ZAR1: variants seen among roughly 807,000 people sequenced by gnomAD.
ZAR1 encodes the protein zygote arrest protein 1.
ZAR1 carries 37 observed loss-of-function variants against 38.3 expected under a neutral mutation model. The ratio of observed to expected loss-of-function variants is 0.97; its 90% confidence interval spans 0.74 to 1.27. The LOEUF is 1.27. Ranked by LOEUF, ZAR1 falls within the 50% of genes most tolerant of loss-of-function variation. The pLI is 0.00. For synonymous variants in ZAR1, 336 were observed against 292.0 expected (o/e 1.15, Z -1.53); for missense variants, 651 against 632.4 (o/e 1.03, Z -0.32).
At chr4:48,495,484 G>A (rs547505336), downstream of ZAR1, among the ~76,000 whole-genome samples, 74 of 152,302 alleles carry the variant, frequency 4.9e-4, 1 homozygote, top group Non-Finnish European at 9.0e-4. Context: ...GAGATGGTGC[G>A]TGTAAAATGC....
At chr4:48,492,212 C>T (rs1718462486) in intron 1 of ZAR1, among the ~76,000 whole-genome samples, 1 of 152,138 alleles carries the variant, frequency 6.6e-6, no homozygotes, top group Non-Finnish European at 1.5e-5. Flanking sequence ...ACTCTAAAAA[C>T]GTGTGCATAA....
At chr4:48,497,156 G>A (rs1448360608), downstream of ZAR1, among the ~76,000 whole-genome samples, 1 of 152,166 alleles carries the variant, frequency 6.6e-6, no homozygotes, top group African/African-American at 2.4e-5. Context: ...ATTTAAAAAT[G>A]ATAAATTTAG....
At chr4:48,495,960 T>C (rs2148675940), downstream of ZAR1, among the ~76,000 whole-genome samples, 1 of 152,144 alleles carries the variant, frequency 6.6e-6, no homozygotes, top group Middle Eastern at 3.4e-3. Context: ...AGGAGGATGG[T>C]CTCTACTGGA....
chr4:48,495,125 G>A (rs369835474), downstream of ZAR1, among the ~76,000 whole-genome samples: 16 of 152,098 alleles, frequency 1.1e-4, no homozygotes, highest in African/African-American at 3.6e-4. Flanking sequence ...AGTGCTAGTC[G>A]GGATGCCAGA....
chr4:48,492,769 T>G lies in ZAR1; in HGVS notation c.967T>G (p.Leu323Val). ...LGKERLRFQF[L>V]EQKYGYYHCK... ...ATTGACATATCCTGTTGTTCAGTTC[T>G]TAGAGCAGAAATATGGCTATTACCA... The change falls in exon 2 of 4, where the codon TTA becomes GTA. Residue 323 changes from leucine to valine, a missense_variant. Around this residue, in one of 2 missense-constraint regions of ZAR1, gnomAD observed 129 missense variants for 172.5 expected, o/e 0.75. Transcript: ENST00000327939. 6.2e-7 allele frequency: 1 copy of G among 1,614,058 alleles called. No individual in the cohort carries two copies. The highest frequency in any genetic ancestry group is 8.5e-7 in the Non-Finnish European group (1 of 1,179,910).
chr4:48,497,626 A>T (rs924205844), downstream of ZAR1: 1 of 152,594 alleles, frequency 6.6e-6, no homozygotes, highest in Non-Finnish European at 1.5e-5. Flanking sequence ...AGAAAAACAG[A>T]GGACAGTAAG....
intron 3 of ZAR1, among the ~76,000 whole-genome samples, chr4:48,493,484 T>C (rs991742758): frequency 6.6e-6 from 1 of 152,238 alleles, no homozygotes; most frequent in Non-Finnish European, 1.5e-5. Context: ...GAGTTGACTA[T>C]AATGGTAAGC....
intron 3 of ZAR1, among the ~76,000 whole-genome samples, chr4:48,493,609 C>CT (rs1396598742): frequency 6.6e-6 from 1 of 152,228 alleles, no homozygotes; most frequent in African/African-American, 2.4e-5. Context: ...TGTCACACAG[C>CT]TAATGGAGTC....
chr4:48,494,789 T>C (rs1560483760), downstream of ZAR1, among the ~76,000 whole-genome samples: 1 of 151,806 alleles, frequency 6.6e-6, no homozygotes, highest in Non-Finnish European at 1.5e-5. Flanking sequence ...GAGGTTAACG[T>C]TGAGTAAGAA....
rs1718530064 is a variant in ZAR1, at chr4:48,494,375, G to GGT, written c.*132_*133dup. The GGT allele has an allele frequency of 8.4e-7, 1 of 1,192,902 alleles. No homozygotes were observed. Among genetic ancestry groups the GGT allele is most frequent in the African/African-American group, 1.5e-5 (1 of 65,484 alleles). 73.9% of individuals were successfully genotyped at this position (1,192,902 alleles called of 1,614,324 possible). A position where few individuals can be genotyped will look rare whatever the true frequency, so the allele number is the denominator to read the frequency against. ...TATTCTGAAAAAGCCTTCAAATAAA[G>GGT]GTATTGCAACACGATTTATACATTG... On this transcript the variant is annotated 3_prime_UTR_variant, in exon 4 of 4. Coordinates refer to ENST00000327939, the MANE Select transcript of ZAR1 (RefSeq NM_175619.3).
rs1243239059 is a variant in ZAR1, at chr4:48,491,099, G to C, written c.808G>C (p.Gly270Arg). 2 of 1,275,108 alleles carry C rather than the reference G, an allele frequency of 1.6e-6. No homozygotes were observed. The highest frequency in any genetic ancestry group is 3.1e-5 in the African/African-American group (2 of 64,422). 79.0% of individuals were successfully genotyped at this position (1,275,108 alleles called of 1,614,324 possible). A position where few individuals can be genotyped will look rare whatever the true frequency, so the allele number is the denominator to read the frequency against. Residue 270 changes from glycine (G) to arginine (R), a missense_variant, in exon 1 of 4, where the codon GGC (glycine) becomes CGC (arginine). Gly to Arg is a moderately radical substitution (Grantham distance 125). Around this residue, in one of 2 missense-constraint regions of ZAR1, gnomAD observed 522 missense variants for 459.9 expected, o/e 1.14. Coordinates refer to ENST00000327939, the MANE Select transcript of ZAR1 (RefSeq NM_175619.3). ...GCTGCCGCCGCGAGAGGCCCAGGAG[G>C]GCGAGGCGGCTCCGCGGTCGGCGCT... ...PELPPREAQE[G>R]EAAPRSALRS...
At chr4:48,492,645 C>A in intron 1 of ZAR1, 121 bp from the exon 2 acceptor site, 1 of 923,086 alleles carries the variant, frequency 1.1e-6, no homozygotes, top group Non-Finnish European at 1.7e-6. Context: ...CCAAACCTGA[C>A]CTGCTTTCTT....
At chr4:48,491,548 C>T (rs1718443900) in intron 1 of ZAR1, among the ~76,000 whole-genome samples, 1 of 136,752 alleles carries the variant, frequency 7.3e-6, no homozygotes, top group Admixed American at 7.7e-5. Context: ...GCGCAGTGGG[C>T]GCATAGGCCA....
downstream of ZAR1, among the ~76,000 whole-genome samples, chr4:48,494,728 C>G (rs1374653517): frequency 6.6e-6 from 1 of 151,904 alleles, no homozygotes; most frequent in Non-Finnish European, 1.5e-5. Context: ...TTAAGGCATT[C>G]TTTTGGGAGA....
chr4:48,490,389 AG>A lies in ZAR1; in HGVS notation c.101del (p.Gly34AlafsTer36). On this transcript the variant is annotated frameshift_variant, in exon 1 of 4. Coordinates refer to ENST00000327939, the MANE Select transcript of ZAR1 (RefSeq NM_175619.3). LOFTEE classifies it high-confidence loss of function. ...RYPYPAATKG[K>X]GAAGGSWQQR... ...CCATACCCCGCGGCCACCAAGGGCA[AG>A]GGCGCGGCGGGCGGCAGCTGGCAGC... 1 of 1,500,322 alleles carries A rather than the reference AG, an allele frequency of 6.7e-7. No individual in the cohort carries two copies. Among genetic ancestry groups the A allele is most frequent in the South Asian group, 1.2e-5 (1 of 80,758 alleles). 92.9% of individuals were successfully genotyped at this position (1,500,322 alleles called of 1,614,324 possible). A position where few individuals can be genotyped will look rare whatever the true frequency, so the allele number is the denominator to read the frequency against.
intron 1 of ZAR1, among the ~76,000 whole-genome samples, chr4:48,492,290 A>G (rs1321403634): frequency 2.0e-5 from 3 of 152,212 alleles, no homozygotes; most frequent in Non-Finnish European, 4.4e-5. Flanking sequence ...TTGAATATGA[A>G]TTATGGCTTA....
downstream of ZAR1, chr4:48,497,240 A>T (rs1217528065): frequency 6.6e-6 from 1 of 152,214 alleles, no homozygotes; most frequent in African/African-American, 2.4e-5. Flanking sequence ...TAAATTAAGC[A>T]TTGGTATATA....
downstream of ZAR1, chr4:48,497,226 G>A (rs2148677499): frequency 6.6e-6 from 1 of 152,262 alleles, no homozygotes; most frequent in South Asian, 2.1e-4. Context: ...ACTAAATCAG[G>A]TAATAAATTA....
intron 1 of ZAR1, among the ~76,000 whole-genome samples, chr4:48,492,486 G>A (rs955053663): frequency 1.4e-4 from 21 of 152,168 alleles, no homozygotes; most frequent in African/African-American, 4.8e-4. Context: ...CCAAACTTTA[G>A]AGAACTGTTT....
Sources: allele counts gnomAD v4.1 joint callset (sites outside exome capture counted in the v4.1 genomes callset), GRCh38; gene constraint gnomAD v4.1.1; regional missense constraint gnomAD v4.1.1; transcripts MANE v1.5; gene names NCBI Gene and HGNC (gene_info 2026-07-23, HGNC 2026-07-21).